The following PTPN13 variants were observed in gnomAD, a reference collection of about 807,000 sequenced individuals.
The protein encoded by PTPN13 is tyrosine-protein phosphatase non-receptor type 13.
PTPN13 carries 191 observed loss-of-function variants against 284.0 expected under a neutral mutation model. The ratio of observed to expected loss-of-function variants is 0.67; its 90% CI spans 0.60 to 0.76. The LOEUF is 0.76. Ranked by LOEUF, PTPN13 falls within the 30% of genes least tolerant of loss-of-function variation. The pLI, the probability that PTPN13 is intolerant of heterozygous loss-of-function variation, is 0.00. For synonymous variants in PTPN13, 986 were observed against 1,022.3 expected (o/e 0.96, Z 0.68); for missense variants, 2,797 against 2,939.9 (o/e 0.95, Z 1.12).
intron 2 of PTPN13, among the ~76,000 whole-genome samples, chr4:86,644,683 C>T (rs1477398148): frequency 6.6e-6 from 1 of 152,056 alleles, no homozygotes; most frequent in Non-Finnish European, 1.5e-5. Context: ...GTCTTATGAA[C>T]ATAGATGCAG....
In PTPN13 at chr4:86,729,451, A is replaced by C. The variant is rs190275668; in HGVS notation, c.1609-2949A>C. Reference sequence around the variant, plus strand: ...GCAGAGTGTTTTCCAACTTGATTCCATTTTCCCTGTCACTGTCAGGTACAC... The same window carrying C: ...GCAGAGTGTTTTCCAACTTGATTCCCTTTTCCCTGTCACTGTCAGGTACAC... On this transcript the variant is annotated intron_variant, in intron 10 of 47. Coordinates refer to ENST00000411767, the MANE Select transcript of PTPN13 (RefSeq NM_080683.3). 1.4e-3 allele frequency among the ~76,000 whole-genome samples: 203 copies of C among 149,036 alleles called. 7 individuals are homozygous for C. The highest frequency in any genetic ancestry group is 4.8e-3 in the African/African-American group (195 of 40,956).
At chr4:86,705,203 A>G (rs543497083) in intron 7 of PTPN13, among the ~76,000 whole-genome samples, 22 of 151,876 alleles carry the variant, frequency 1.4e-4, no homozygotes, top group Admixed American at 6.6e-5. Flanking sequence ...GTGTGGTGGT[A>G]CATGCCTGTA....
At chr4:86,752,557 T>C (rs1038021658) in intron 19 of PTPN13, among the ~76,000 whole-genome samples, 7 of 152,194 alleles carry the variant, frequency 4.6e-5, no homozygotes, top group African/African-American at 1.7e-4. Context: ...TCATACATTC[T>C]AAACTATTTT....
In PTPN13 at chr4:86,671,131, C is replaced by T. The variant is rs143590307; in HGVS notation, c.116-1234C>T. On this transcript the variant is annotated intron_variant, in intron 2 of 47. Transcript: ENST00000411767. The stretch of plus-strand genomic sequence containing the variant: ...GATTCATAAACATGCAGGTTTTTGA[C>T]CTTCAAAGGAGGAATGACTTTTAGT... 4.4e-3 allele frequency among the ~76,000 whole-genome samples: 662 copies of T among 152,158 alleles called. 4 individuals carry two copies. The highest frequency in any genetic ancestry group is 9.1e-3 in the South Asian group (44 of 4,810).
chr4:86,750,988 C>T, intron 18 of PTPN13, 39 bp from the exon 19 acceptor site: 1 of 1,561,886 alleles, frequency 6.4e-7, no homozygotes, highest in Non-Finnish European at 8.7e-7. Context: ...TATTTTTTTA[C>T]ATTAACACTT....
At chr4:86,621,970 C>A (rs1721305364) in intron 1 of PTPN13, among the ~76,000 whole-genome samples, 1 of 152,016 alleles carries the variant, frequency 6.6e-6, no homozygotes, top group African/African-American at 2.4e-5. Flanking sequence ...TTTTAAATGA[C>A]CTTAATAAGA....
intron 1 of PTPN13, among the ~76,000 whole-genome samples, chr4:86,623,703 T>G (rs1721506146): frequency 6.6e-6 from 1 of 152,178 alleles, no homozygotes; most frequent in African/African-American, 2.4e-5. Flanking sequence ...TCCAAATTCT[T>G]TACTTTCTGC....
At chr4:86,595,854 G>T (rs950147138) in intron 1 of PTPN13, 27 of 624,996 alleles carry the variant, frequency 4.3e-5, no homozygotes, top group South Asian at 7.0e-5. Flanking sequence ...ATGGGGGGGG[G>T]AGTAAAAGTG....
At chr4:86,762,631 TA>T in intron 23 of PTPN13, 95 bp from the exon 24 acceptor site, 1 of 985,950 alleles carries the variant, frequency 1.0e-6, no homozygotes, top group Non-Finnish European at 1.5e-6. Flanking sequence ...GTCATCCTTA[TA>T]AAATCCTTCC....
rs752958495 is a variant in PTPN13, at chr4:86,809,868, A to G, written c.7183A>G (p.Met2395Val). 5.0e-6 allele frequency: 8 copies of G among 1,614,002 alleles called. No individual in the cohort carries two copies. The highest frequency in any genetic ancestry group is 4.4e-5 in the South Asian group (4 of 91,084). The change falls in exon 46 of 48, where the codon ATG becomes GTG. Residue 2395 changes from methionine to valine, a missense_variant. Coordinates refer to ENST00000411767, the MANE Select transcript of PTPN13 (RefSeq NM_080683.3). ...PDDLLTFISY[M>V]RHIHRSGPII... is the part of the protein sequence containing the mutation. The stretch of plus-strand genomic sequence containing the variant: ...TGATCTGCTTACTTTTATCTCCTAC[A>G]TGAGACACATCCACAGATCAGGCCC...
chr4:86,725,550 G>A (rs1186064462), intron 10 of PTPN13, among the ~76,000 whole-genome samples: 1 of 149,516 alleles, frequency 6.7e-6, no homozygotes, highest in Non-Finnish European at 1.5e-5. Flanking sequence ...GTTTTGATTT[G>A]CATTTCTCTG....
chr4:86,765,723 A>C (rs765614884), intron 26 of PTPN13, among the ~76,000 whole-genome samples: 21 of 152,330 alleles, frequency 1.4e-4, no homozygotes, highest in South Asian at 1.0e-3. Flanking sequence ...AGTTAAAAAA[A>C]TTAAAAAGGA....
rs146368521 is a variant in PTPN13 at position 86,725,331 on chromosome 4, C to T, written c.1608+2897C>T. 1.7e-3 allele frequency among the ~76,000 whole-genome samples: 258 copies of T among 149,062 alleles called. 8 individuals are homozygous for T. In the East Asian group the frequency reaches 0.025, roughly 14 times the overall value. On this transcript the variant is annotated intron_variant, in intron 10 of 47. Transcript: ENST00000411767. ...GATTTATAATCCTTTGGGTATATACCCAGTAATAGGATCGCTGGGTCAAAT... is the reference window on the plus strand; with the variant it reads ...GATTTATAATCCTTTGGGTATATACTCAGTAATAGGATCGCTGGGTCAAAT...
chr4:86,686,891 C>T (rs1729518197), intron 4 of PTPN13, 116 bp downstream of exon 4: 1 of 721,030 alleles, frequency 1.4e-6, no homozygotes, highest in Non-Finnish European at 2.3e-6. Flanking sequence ...GGTGTACCAA[C>T]ATTCCTATGG....
chr4:86,691,487 C>T (rs1368041385), intron 5 of PTPN13, among the ~76,000 whole-genome samples: 2 of 152,136 alleles, frequency 1.3e-5, no homozygotes, highest in Non-Finnish European at 2.9e-5. Flanking sequence ...GCTCCCCTTA[C>T]CTTTCTATTG....
intron 17 of PTPN13, among the ~76,000 whole-genome samples, chr4:86,746,735 C>T (rs1335115450): frequency 3.3e-5 from 5 of 152,024 alleles, no homozygotes; most frequent in Non-Finnish European, 7.4e-5. Flanking sequence ...TGGTTTCAAG[C>T]GATTTTCCTG....
intron 10 of PTPN13, among the ~76,000 whole-genome samples, chr4:86,728,724 C>A (rs1449528938): frequency 1.8e-5 from 2 of 111,592 alleles, no homozygotes; most frequent in African/African-American, 6.6e-5. Flanking sequence ...TTATTTTGAG[C>A]CTATGTGTTT....
intron 2 of PTPN13, among the ~76,000 whole-genome samples, chr4:86,660,141 AAGTAAAACAGT>A (rs1726313167): frequency 6.6e-6 from 1 of 152,202 alleles, no homozygotes; most frequent in Non-Finnish European, 1.5e-5. Context: ...TTAAAATTAT[AAGTAAAACAGT>A]AGTATGTGAG....
chr4:86,806,392 TA>T (rs1243810997), intron 44 of PTPN13, among the ~76,000 whole-genome samples: 2 of 151,966 alleles, frequency 1.3e-5, no homozygotes, highest in Non-Finnish European at 1.5e-5. Flanking sequence ...TAAAGATAAA[TA>T]ATAAAAAAAA....
Sources: gnomAD v4.1 joint callset for allele counts (sites outside exome capture counted in the v4.1 genomes callset) on GRCh38, gnomAD v4.1.1 for gene constraint, MANE v1.5 for transcripts, NCBI Gene and HGNC (gene_info 2026-07-23, HGNC 2026-07-21) for gene names.